ABCC9: variants seen among roughly 807,000 people sequenced by gnomAD.
ABCC9 encodes the protein ATP binding cassette subfamily C member 9.
A neutral mutation model predicts 188.3 loss-of-function variants in ABCC9; 95 were observed. The ratio of observed to expected loss-of-function variants is 0.50; its 90% CI spans 0.43 to 0.60. ABCC9 has a LOEUF of 0.60. ABCC9 is among the 20% of genes least tolerant of loss of function. The pLI is 0.00. For missense variants in ABCC9, 1,102 were observed against 1,876.3 expected (o/e 0.59, Z 7.62); for synonymous variants, 659 against 652.7 (o/e 1.01, Z -0.15).
intron 2 of ABCC9, 143 bp downstream of exon 2, chr12:21,940,567 C>A (rs1224976172): frequency 6.6e-6 from 1 of 152,152 alleles, no homozygotes; most frequent in Non-Finnish European, 1.5e-5. Flanking sequence ...TGATCTGAAT[C>A]CACCCATTTA....
intron 15 of ABCC9, among the ~76,000 whole-genome samples, chr12:21,885,898 T>C (rs1362634896): frequency 6.6e-6 from 1 of 152,114 alleles, no homozygotes; most frequent in Non-Finnish European, 1.5e-5. Flanking sequence ...ATATATAATA[T>C]AGATTGATTT....
intron 21 of ABCC9, 112 bp from the exon 22 acceptor site, chr12:21,859,778 T>G: frequency 1.1e-6 from 1 of 902,772 alleles, no homozygotes; most frequent in Non-Finnish European, 1.9e-6. Context: ...TGATAGTAAC[T>G]TGTTAATTAA....
intron 26 of ABCC9, 95 bp downstream of exon 26, chr12:21,845,508 C>A (rs554329520): frequency 2.2e-6 from 2 of 924,210 alleles, no homozygotes; most frequent in East Asian, 2.6e-5. Context: ...AGTCCTATGG[C>A]ATTTGGGATA....
intron 12 of ABCC9, among the ~76,000 whole-genome samples, chr12:21,899,827 T>C (rs1947628729): frequency 6.6e-6 from 1 of 152,160 alleles, no homozygotes; most frequent in Admixed American, 6.5e-5. Context: ...TCAAACTGGG[T>C]GGAACCCACC....
In ABCC9 at chr12:21,852,215, G is replaced by T; in HGVS notation, c.2651C>A (p.Ala884Asp). 6.2e-7 allele frequency: 1 copy of T among 1,613,702 alleles called. No homozygotes were observed. Among genetic ancestry groups the T allele is most frequent in the Non-Finnish European group, 8.5e-7 (1 of 1,179,906 alleles). Residue 884 changes from alanine to aspartate, a missense_variant, in exon 24 of 40, where the codon GCC becomes GAC. Physicochemically the swap from Ala to Asp is moderately radical, Grantham distance 126 (BLOSUM62 -2). Around this residue, in one of 12 missense-constraint regions of ABCC9, gnomAD observed 131 missense variants for 170.2 expected, o/e 0.77. Coordinates refer to ENST00000261200, the MANE Select transcript of ABCC9 (RefSeq NM_020297.4). ...QYLTHADWII[A>D]MKDGSVLREG... ...TCTTAGGACACTTCCATCTTTCATG[G>T]CTATGATCTAAGGAAAGCGGATATT...
chr12:21,863,748 G>A (rs1272989187), intron 19 of ABCC9, among the ~76,000 whole-genome samples: 1 of 152,116 alleles, frequency 6.6e-6, no homozygotes. Flanking sequence ...TGAAGAGAAT[G>A]ATGGGAAGGG....
chr12:21,887,698 C>T (rs181676114), intron 15 of ABCC9, 128 bp downstream of exon 15: 40 of 706,306 alleles, frequency 5.7e-5, no homozygotes, highest in South Asian at 4.2e-4. Context: ...AGAAGCAAGT[C>T]GTGATTTTTC....
At chr12:21,879,875 A>T (rs1019312649) in intron 16 of ABCC9, among the ~76,000 whole-genome samples, 3 of 151,968 alleles carry the variant, frequency 2.0e-5, no homozygotes, top group African/African-American at 7.3e-5. Flanking sequence ...AGTTATAAAG[A>T]CTTGTTCTAA....
intron 6 of ABCC9, among the ~76,000 whole-genome samples, chr12:21,916,501 T>C (rs558458682): frequency 1.3e-5 from 2 of 152,322 alleles, no homozygotes; most frequent in Admixed American, 6.5e-5. Context: ...ACTTTGGATA[T>C]ATAGCCAAAG....
chr12:21,888,723 A>G (rs1015434776), intron 14 of ABCC9, among the ~76,000 whole-genome samples: 1 of 152,090 alleles, frequency 6.6e-6, no homozygotes, highest in Non-Finnish European at 1.5e-5. Flanking sequence ...TGGCTCATCT[A>G]CTCTACCCAT....
chr12:21,928,739 T>C (rs1434780821), intron 4 of ABCC9, among the ~76,000 whole-genome samples: 2 of 152,220 alleles, frequency 1.3e-5, no homozygotes, highest in Non-Finnish European at 2.9e-5. Context: ...TTTGTACTTA[T>C]GGTGGCACTC....
chr12:21,901,877 C>G (rs1415264425), intron 12 of ABCC9, among the ~76,000 whole-genome samples: 1 of 152,148 alleles, frequency 6.6e-6, no homozygotes, highest in Non-Finnish European at 1.5e-5. Context: ...ACCCCACTGT[C>G]AACATTAGAC....
intron 12 of ABCC9, among the ~76,000 whole-genome samples, chr12:21,900,620 C>A (rs1947692557): frequency 6.6e-6 from 1 of 152,128 alleles, no homozygotes; most frequent in Non-Finnish European, 1.5e-5. Flanking sequence ...CTTCAATGAC[C>A]TGATGGATCT....
intron 31 of ABCC9, among the ~76,000 whole-genome samples, chr12:21,822,377 A>ATT (rs776638082): frequency 2.4e-4 from 37 of 151,226 alleles, no homozygotes; most frequent in Non-Finnish European, 4.6e-4. Context: ...TTTTATCTTG[A>ATT]TTTGCATAAG....
At chr12:21,892,117 T>C (rs934721381) in intron 14 of ABCC9, among the ~76,000 whole-genome samples, 9 of 152,214 alleles carry the variant, frequency 5.9e-5, no homozygotes, top group Admixed American at 4.6e-4. Context: ...CTGGTCTTTA[T>C]CAAACTGGCA....
chr12:21,835,265 A>G (rs1436728089), intron 30 of ABCC9, among the ~76,000 whole-genome samples: 1 of 152,216 alleles, frequency 6.6e-6, no homozygotes, highest in Non-Finnish European at 1.5e-5. Context: ...AAACATCTGG[A>G]CACCTAGTAT....
At chr12:21,873,786 G>A (rs1267670650) in intron 17 of ABCC9, among the ~76,000 whole-genome samples, 1 of 150,582 alleles carries the variant, frequency 6.6e-6, no homozygotes, top group African/African-American at 2.4e-5. Flanking sequence ...CTGATCTTCA[G>A]CAAGGGGTTT....
At position 21,799,289 on chromosome 12, in the gene ABCC9, T is replaced by G. The variant is rs1265887451; in HGVS notation, c.*1755A>C. The G allele has an allele frequency of 6.6e-6, 1 of 151,668 alleles. No individual in the cohort carries two copies. 9.4% of individuals were successfully genotyped at this position (151,668 alleles called of 1,614,324 possible). A position where few individuals can be genotyped will look rare whatever the true frequency, so the allele number is the denominator to read the frequency against. On this transcript the variant is annotated 3_prime_UTR_variant, in exon 40 of 40. Transcript: ENST00000261200. ...AAAAAAAAGAAAAAAAAAAGATTAC[T>G]TCCATGGGTAAAAACCCATTTCTCT...
chr12:21,887,714 A>G (rs1450646795), intron 15 of ABCC9, 112 bp downstream of exon 15: 4 of 772,156 alleles, frequency 5.2e-6, no homozygotes, highest in African/African-American at 1.7e-5. Context: ...TTTTCTTCAC[A>G]TGGGTTAAAA....
Sources: allele counts gnomAD v4.1 joint callset (sites outside exome capture counted in the v4.1 genomes callset), GRCh38; gene constraint gnomAD v4.1.1; regional missense constraint gnomAD v4.1.1; transcripts MANE v1.5; gene names NCBI Gene and HGNC (gene_info 2026-07-23, HGNC 2026-07-21).